DDX54: variants seen among roughly 807,000 people sequenced by gnomAD.
DDX54 encodes the protein DEAD-box helicase 54.
A neutral mutation model predicts 105.5 loss-of-function variants in DDX54; 67 were observed. That is an observed-to-expected ratio of 0.64 (90% confidence interval 0.52 to 0.78). DDX54 has a LOEUF of 0.78. Among genes scored for constraint, DDX54 ranks in the 30% least tolerant of loss-of-function variants. The probability of loss-of-function intolerance (pLI) is 0.00; values close to 1 mark genes in which losing one functional copy is unlikely to be tolerated. For missense variants in DDX54, 1,206 were observed against 1,230.5 expected (o/e 0.98, Z 0.30); for synonymous variants, 514 against 509.9 (o/e 1.01, Z -0.11).
chr12:113,163,925 G>T lies in DDX54; in HGVS notation c.1938+142C>A. On this transcript the variant is annotated intron_variant, in intron 15 of 19. Coordinates refer to ENST00000306014, the MANE Select transcript of DDX54 (RefSeq NM_024072.4). This position sits in a 1 kb window ranked among gnomAD's most constrained non-coding sequence, Gnocchi z 5.9. ...ACGAGGGATGGTGGACAAGAACCAT[G>T]CCCCGACTCTGCAGATGGGAAGCTG... 7.1e-7 allele frequency: 1 copy of T among 1,405,152 alleles called. No homozygotes were observed. Among genetic ancestry groups the T allele is most frequent in the Non-Finnish European group, 9.3e-7 (1 of 1,073,904 alleles). The allele number at this position is 1,405,152 out of a possible 1,614,324, so 87.0% of individuals were successfully genotyped here.
In DDX54 at chr12:113,177,057, G is replaced by A. The variant is rs923651717; in HGVS notation, c.651C>T (p.Pro217=). 4.3e-6 allele frequency: 7 copies of A among 1,614,148 alleles called. No individual in the cohort carries two copies. The highest frequency in any genetic ancestry group is 2.2e-5 in the East Asian group (1 of 44,894). The change falls in exon 6 of 20, where the codon CCC becomes CCT. Residue 217 remains proline (P), a synonymous_variant. Coordinates refer to ENST00000306014, the MANE Select transcript of DDX54 (RefSeq NM_024072.4). ...TCCCCAATCCACAAACTCACATGTCGGGATTTTCGTGCAGGGCTGCAAACT... is the reference window on the plus strand; with the variant it reads ...TCCCCAATCCACAAACTCACATGTCAGGATTTTCGTGCAGGGCTGCAAACT... ...EDQFAALHEN[P]DIIIATPGRL... is the part of the protein sequence containing the mutation.
intron 17 of DDX54, 130 bp from the exon 18 acceptor site, chr12:113,162,127 C>A: frequency 1.3e-6 from 1 of 795,584 alleles, no homozygotes; most frequent in Non-Finnish European, 2.1e-6. Context: ...GCAGTGCAGC[C>A]ATGTCTGGCA....
chr12:113,170,462 A>G (rs529644401), intron 11 of DDX54, among the ~76,000 whole-genome samples: 75 of 152,274 alleles, frequency 4.9e-4, no homozygotes, highest in Middle Eastern at 3.4e-3. Flanking sequence ...GCAAAATAGC[A>G]AGACCCCATG....
intron 11 of DDX54, 59 bp downstream of exon 11, chr12:113,172,294 C>A: frequency 6.4e-7 from 1 of 1,558,374 alleles, no homozygotes; most frequent in Non-Finnish European, 8.7e-7. Context: ...CTTGTACCCT[C>A]GGCTTCTGCC....
chr12:113,163,091 C>T lies in DDX54; in HGVS notation c.2081+41G>A, dbSNP rs374685656. ...ACATAATTGGATTGATGGGACCCAG[C>T]GGACCCAACTGCCCCACCCAGGACC... On this transcript the variant is annotated intron_variant, in intron 16 of 19. Transcript: ENST00000306014. This position sits in a 1 kb window ranked among gnomAD's most constrained non-coding sequence, Gnocchi z 5.9. 1.2e-5 allele frequency: 20 copies of T among 1,609,642 alleles called. No individual in the cohort carries two copies. The highest frequency in any genetic ancestry group is 2.7e-5 in the African/African-American group (2 of 74,880).
rs373493395 is a variant in DDX54 at position 113,180,996 on chromosome 12, C to T, written c.237G>A (p.Pro79=). Residue 79 remains proline (P), a synonymous_variant, in exon 2 of 20, where the codon CCG becomes CCA. Coordinates refer to ENST00000306014, the MANE Select transcript of DDX54 (RefSeq NM_024072.4). The part of the protein sequence containing the change: ...PTSECTSDVE[P]DTREMVRAQN... Reference sequence around the variant, plus strand: ...GGGCACGCACCATCTCCCGGGTGTCCGGCTCCACATCCGAGGTGCATTCCG... The same window carrying T: ...GGGCACGCACCATCTCCCGGGTGTCTGGCTCCACATCCGAGGTGCATTCCG... 1.3e-4 allele frequency: 214 copies of T among 1,613,572 alleles called. No individual in the cohort carries two copies. The South Asian group carries it at 1.9e-3, about 14-fold the overall frequency.
Position 113,163,157 on chromosome 12 carries a change from G to GC in DDX54, c.2055dup (p.Pro686AlafsTer5), listed in dbSNP as rs1952230872. ...CCCCGCTCGCTGTCAAAGTCCTTGG[G>GC]CCGGTAGGGGATGTAGAATTCCTGG... On this transcript the variant is annotated frameshift_variant, in exon 16 of 20. Transcript: ENST00000306014. LOFTEE classifies it high-confidence loss of function. The surrounding 1 kb of genome is among the most constrained non-coding windows in gnomAD (Gnocchi z 5.9). The GC allele has an allele frequency of 6.2e-7, 1 of 1,613,020 alleles. No homozygotes were observed. The highest frequency in any genetic ancestry group is 1.1e-5 in the South Asian group (1 of 91,090).
chr12:113,184,881 A>C (rs1406350034), intron 1 of DDX54, among the ~76,000 whole-genome samples: 1 of 152,202 alleles, frequency 6.6e-6, no homozygotes, highest in Non-Finnish European at 1.5e-5. Context: ...CACTGTCTCA[A>C]GCCACGCAGT....
chr12:113,182,111 C>G (rs1158046836), intron 1 of DDX54, among the ~76,000 whole-genome samples: 2 of 152,128 alleles, frequency 1.3e-5, no homozygotes, highest in Admixed American at 1.3e-4. Context: ...CCCACTTAAT[C>G]CTCACAACAA....
intron 2 of DDX54, 70 bp downstream of exon 2, chr12:113,180,859 T>C: frequency 1.2e-6 from 2 of 1,602,146 alleles, no homozygotes; most frequent in Non-Finnish European, 1.7e-6. Context: ...ACATCAGTGA[T>C]GGAGTGCAGA....
At chr12:113,167,090 A>C (rs73208718) in intron 12 of DDX54, among the ~76,000 whole-genome samples, 8,215 of 152,250 alleles carry the variant, frequency 0.054, 284 homozygotes, top group Middle Eastern at 0.068. Context: ...AATATATACA[A>C]CAGTAAGCCA....
chr12:113,167,696 T>C (rs1952292606), intron 12 of DDX54, among the ~76,000 whole-genome samples: 1 of 152,226 alleles, frequency 6.6e-6, no homozygotes, highest in Non-Finnish European at 1.5e-5. Flanking sequence ...TGGCTAGCTC[T>C]GGAGCAAATG....
Position 113,176,770 on chromosome 12 carries a change from C to G in DDX54, c.752+70G>C. Reference sequence around the variant, plus strand: ...AGGGCTCTCCTGGCAGAGCCTTCCTCTGGTTGACCTCTCTGCCTCTGCTTT... The same window carrying G: ...AGGGCTCTCCTGGCAGAGCCTTCCTGTGGTTGACCTCTCTGCCTCTGCTTT... On this transcript the variant is annotated intron_variant, in intron 7 of 19. Transcript: ENST00000306014. The G allele has an allele frequency of 1.9e-6, 3 of 1,547,172 alleles. No individual in the cohort carries two copies. In the South Asian group the frequency reaches 3.5e-5, roughly 18 times the overall value.
rs138474855 is a variant in DDX54, at chr12:113,177,009, T to G, written c.656+43A>C. 620 of 1,613,682 alleles carry G rather than the reference T, an allele frequency of 3.8e-4. 3 individuals are homozygous for G. In the African/African-American group the frequency reaches 7.3e-3, roughly 19 times the overall value. ...CACAGTTCTCTTACACCCCCACCAC[T>G]AGGAAGGGATCTCAGGGAGTCATCC... is the stretch of plus-strand genomic sequence containing the variant. On this transcript the variant is annotated intron_variant, in intron 6 of 19. Coordinates refer to ENST00000306014, the MANE Select transcript of DDX54 (RefSeq NM_024072.4).
chr12:113,159,161 C>A (rs1952175087), intron 19 of DDX54, 52 bp from the exon 20 acceptor site: 1 of 1,520,572 alleles, frequency 6.6e-7, no homozygotes, highest in Non-Finnish European at 8.8e-7. Flanking sequence ...CTCCCAAGAT[C>A]CCCTCCTCCC....
In DDX54 at chr12:113,163,116, C is replaced by G. The variant is rs768085133; in HGVS notation, c.2081+16G>C. ...CGGACCCAACTGCCCCACCCAGGAC[C>G]CAGCCAGCCACTCACCCCCGCTCGC... On this transcript the variant is annotated intron_variant, in intron 16 of 19. Transcript: ENST00000306014. This position sits in a 1 kb window ranked among gnomAD's most constrained non-coding sequence, Gnocchi z 5.9. The G allele has an allele frequency of 2.5e-6, 4 of 1,612,320 alleles. No homozygotes were observed. Among genetic ancestry groups the G allele is most frequent in the Non-Finnish European group, 3.4e-6 (4 of 1,179,788 alleles).
intron 17 of DDX54, chr12:113,162,685 G>A: frequency 4.2e-6 from 2 of 473,074 alleles, no homozygotes; most frequent in Non-Finnish European, 7.5e-6. Flanking sequence ...GGGAATGGAG[G>A]TAGGGGAGGC....
intron 1 of DDX54, among the ~76,000 whole-genome samples, chr12:113,184,266 G>A (rs1952499838): frequency 1.3e-5 from 2 of 151,882 alleles, no homozygotes; most frequent in Admixed American, 1.3e-4. Context: ...ATTTTTTGTA[G>A]AGACGGGGTC....
Position 113,172,543 on chromosome 12 carries a change from C to T in DDX54, c.1089G>A (p.Val363=), listed in dbSNP as rs1478521970. The T allele has an allele frequency of 3.7e-6, 6 of 1,614,084 alleles. No homozygotes were observed. The African/African-American group carries it at 8.0e-5, about 22-fold the overall frequency. ...GGGCACTGTAGATGTGGGCGCAGCT[C>T]ACCCGCTGGGTCGTCAGCAGCTGCT... ...YLTELLTTQR[V]SCAHIYSALD... Residue 363 remains valine (V), a synonymous_variant, in exon 11 of 20, where the codon GTG becomes GTA. Transcript: ENST00000306014.
Sources: allele counts gnomAD v4.1 joint callset (sites outside exome capture counted in the v4.1 genomes callset), GRCh38; gene constraint gnomAD v4.1.1; non-coding constraint Gnocchi (gnomAD v3.1); transcripts MANE v1.5; gene names NCBI Gene and HGNC (gene_info 2026-07-23, HGNC 2026-07-21).